Variants in OSBPL1A observed in about 807,000 individuals in gnomAD.
OSBPL1A encodes the protein oxysterol-binding protein-related protein 1.
In OSBPL1A, 80 loss-of-function variants were observed where a neutral mutation model predicts 137.1. The observed-to-expected ratio is 0.58, with a 90% confidence interval of 0.49 to 0.70. OSBPL1A has a LOEUF of 0.70. Among genes scored for constraint, OSBPL1A ranks in the 30% least tolerant of loss-of-function variants. OSBPL1A has a pLI of 0.00. For synonymous variants in OSBPL1A, 365 were observed against 389.7 expected, an observed-to-expected ratio of 0.94 and a Z score of 0.75; for missense variants, 970 against 1,129.4, an observed-to-expected ratio of 0.86 and a Z score of 2.02.
intron 14 of OSBPL1A, among the ~76,000 whole-genome samples, chr18:24,284,241 T>C (rs958152053): frequency 2.6e-5 from 4 of 152,126 alleles, no homozygotes; most frequent in South Asian, 2.1e-4. Context: ...AAATTAAAAT[T>C]GCTAAGCTTC....
intron 15 of OSBPL1A, among the ~76,000 whole-genome samples, chr18:24,260,825 T>G (rs2146041131): frequency 7.3e-6 from 1 of 137,496 alleles, no homozygotes; most frequent in East Asian, 2.0e-4. Context: ...TTCCCCAAAG[T>G]TTAAAAGAAC....
intron 18 of OSBPL1A, among the ~76,000 whole-genome samples, chr18:24,187,859 A>G (rs993402557): frequency 1.3e-5 from 2 of 152,132 alleles, no homozygotes; most frequent in Non-Finnish European, 2.9e-5. Flanking sequence ...GCCAGGAGGG[A>G]TCCAAACACC....
chr18:24,175,715 T>C (rs1260164737), intron 21 of OSBPL1A, among the ~76,000 whole-genome samples: 1 of 152,254 alleles, frequency 6.6e-6, no homozygotes, highest in African/African-American at 2.4e-5. Flanking sequence ...GTTCTTTGCC[T>C]AATCCAAAGT....
intron 17 of OSBPL1A, among the ~76,000 whole-genome samples, chr18:24,220,886 C>T (rs1365322565): frequency 2.0e-5 from 3 of 151,978 alleles, no homozygotes; most frequent in African/African-American, 7.2e-5. Flanking sequence ...GATCTTGGCT[C>T]ACTGCAACCT....
chr18:24,269,163 G>A (rs929283832), intron 15 of OSBPL1A, among the ~76,000 whole-genome samples: 11 of 152,102 alleles, frequency 7.2e-5, no homozygotes, highest in Non-Finnish European at 1.3e-4. Flanking sequence ...GCACCTGGTC[G>A]TCCTGTTTGC....
intron 5 of OSBPL1A, among the ~76,000 whole-genome samples, chr18:24,338,079 CTTT>C (rs112484418): frequency 1.4e-5 from 2 of 142,608 alleles, no homozygotes; most frequent in Non-Finnish European, 1.5e-5. Flanking sequence ...CTTTTTCTTT[CTTT>C]TTTTTTTTTT....
At position 24,355,647 on chromosome 18, in the gene OSBPL1A, T is replaced by C. The variant is rs373764988; in HGVS notation, c.282+11245A>G. On this transcript the variant is annotated intron_variant, in intron 4 of 27. Coordinates refer to ENST00000319481, the MANE Select transcript of OSBPL1A (RefSeq NM_080597.4). ...ACTCAATCTGCACCATCAAAAGATATCAACAGTGAAAGGTAAGAGGCAGAA... is the reference window on the plus strand; with the variant it reads ...ACTCAATCTGCACCATCAAAAGATACCAACAGTGAAAGGTAAGAGGCAGAA... Among the ~76,000 whole-genome samples the C allele has an allele frequency of 7.2e-5, 11 of 152,080 alleles. No individual in the cohort carries two copies. In the South Asian group the frequency reaches 2.3e-3, roughly 32 times the overall value.
chr18:24,255,497 G>A (rs1028837170), intron 15 of OSBPL1A, among the ~76,000 whole-genome samples: 1 of 152,080 alleles, frequency 6.6e-6, no homozygotes, highest in Non-Finnish European at 1.5e-5. Context: ...ATAATTGATT[G>A]TCTCCTTTGG....
intron 7 of OSBPL1A, among the ~76,000 whole-genome samples, chr18:24,326,980 C>G (rs1016496236): frequency 6.6e-6 from 1 of 151,994 alleles, no homozygotes. Context: ...CTAAAATAGG[C>G]CTGAAAATAG....
rs150205777 is a variant in OSBPL1A, at chr18:24,345,471, G to A, written c.283-3813C>T. Among the ~76,000 whole-genome samples the A allele has an allele frequency of 7.4e-3, 1,126 of 152,236 alleles. 18 individuals carry two copies. Among genetic ancestry groups the A allele is most frequent in the African/African-American group, 0.026 (1,081 of 41,548 alleles). On this transcript the variant is annotated intron_variant, in intron 4 of 27. Coordinates refer to ENST00000319481, the MANE Select transcript of OSBPL1A (RefSeq NM_080597.4). ...AGAGGCCGAGGTGGGCGGATCACTT[G>A]AGATCAGGAGTTCAAGACCAGCCTG...
intron 5 of OSBPL1A, among the ~76,000 whole-genome samples, chr18:24,338,511 A>G (rs1293308894): frequency 2.6e-5 from 4 of 152,152 alleles, no homozygotes; most frequent in African/African-American, 9.7e-5. Flanking sequence ...TTATTTCTAT[A>G]TATCGGACCC....
chr18:24,253,855 C>T (rs1159552948), intron 15 of OSBPL1A, among the ~76,000 whole-genome samples: 2 of 152,152 alleles, frequency 1.3e-5, no homozygotes, highest in African/African-American at 4.8e-5. Context: ...TAGGGAGGTT[C>T]AGACTCTTGG....
At chr18:24,321,574 C>T in intron 7 of OSBPL1A, 1 of 435,434 alleles carries the variant, frequency 2.3e-6, no homozygotes. Flanking sequence ...CAGGTGTGAG[C>T]TACTGTACCT....
chr18:24,369,378 G>C (rs1444214176), intron 2 of OSBPL1A, among the ~76,000 whole-genome samples: 1 of 152,192 alleles, frequency 6.6e-6, no homozygotes, highest in Non-Finnish European at 1.5e-5. Flanking sequence ...AGCTGAGGAA[G>C]CCCAAAAGCT....
intron 4 of OSBPL1A, chr18:24,358,199 G>A (rs765551672): frequency 4.2e-6 from 2 of 479,262 alleles, no homozygotes; most frequent in East Asian, 3.3e-5. Context: ...TCCAGCCTAA[G>A]AAGGGCATGG....
At chr18:24,175,119 T>TATACAC (rs1567920160) in intron 21 of OSBPL1A, among the ~76,000 whole-genome samples, 1 of 128,538 alleles carries the variant, frequency 7.8e-6, no homozygotes, top group African/African-American at 3.5e-5. Flanking sequence ...TATATATATA[T>TATACAC]ATATATATAT....
intron 4 of OSBPL1A, chr18:24,358,439 C>G (rs1249720504): frequency 1.4e-6 from 1 of 702,166 alleles, no homozygotes; most frequent in African/African-American, 1.7e-5. Flanking sequence ...CCCTCGTGCA[C>G]AGGTGTGATG....
At chr18:24,181,332 C>A (rs1182715599) in intron 18 of OSBPL1A, 53 bp from the exon 19 acceptor site, 5 of 1,561,302 alleles carry the variant, frequency 3.2e-6, no homozygotes, top group Non-Finnish European at 4.4e-6. Flanking sequence ...AACAAACAAA[C>A]CTATTGTTAT....
chr18:24,232,392 C>A (rs1007024294), intron 16 of OSBPL1A, among the ~76,000 whole-genome samples: 2 of 152,292 alleles, frequency 1.3e-5, no homozygotes, highest in African/African-American at 4.8e-5. Context: ...TGAATGATGT[C>A]CAAGGTCAAA....
Sources: allele counts gnomAD v4.1 joint callset (sites outside exome capture counted in the v4.1 genomes callset), GRCh38; gene constraint gnomAD v4.1.1; transcripts MANE v1.5; gene names NCBI Gene and HGNC (gene_info 2026-07-23, HGNC 2026-07-21).